RAPGEF2: variants seen among roughly 807,000 people sequenced by gnomAD.
RAPGEF2 encodes the protein PDZ domain containing guanine nucleotide exchange factor (GEF) 1.
A neutral mutation model predicts 186.7 loss-of-function variants in RAPGEF2; 54 were observed. That is an observed-to-expected ratio of 0.29 (90% CI 0.23 to 0.36). RAPGEF2 has a LOEUF of 0.36. Ranked by LOEUF, RAPGEF2 falls within the 10% of genes least tolerant of loss-of-function variation. The probability of loss-of-function intolerance (pLI) is 1.00; values close to 1 mark genes in which losing one functional copy is unlikely to be tolerated. For missense variants in RAPGEF2, 1,532 were observed against 2,045.0 expected (o/e 0.75, Z 4.84); for synonymous variants, 712 against 705.9 (o/e 1.01, Z -0.14).
chr4:159,325,937 T>C (rs1325174014), intron 11 of RAPGEF2, among the ~76,000 whole-genome samples: 1 of 152,152 alleles, frequency 6.6e-6, no homozygotes, highest in African/African-American at 2.4e-5. Context: ...CTGATTAAGA[T>C]ATATAGACTC....
chr4:159,338,590 GAAACTT>G, intron 18 of RAPGEF2, 122 bp downstream of exon 18: 2 of 1,064,392 alleles, frequency 1.9e-6, no homozygotes, highest in Non-Finnish European at 2.6e-6. Context: ...GAGTAAGGAT[GAAACTT>G]AAACTTTAAG....
intron 1 of RAPGEF2, among the ~76,000 whole-genome samples, chr4:159,178,494 G>A (rs1461346774): frequency 6.6e-6 from 1 of 151,184 alleles, no homozygotes; most frequent in African/African-American, 2.4e-5. Flanking sequence ...AGAAATTAGA[G>A]AGCCCAGGAT....
intron 7 of RAPGEF2, among the ~76,000 whole-genome samples, chr4:159,274,797 T>G (rs756452837): frequency 2.0e-5 from 3 of 152,186 alleles, no homozygotes; most frequent in African/African-American, 7.2e-5. Flanking sequence ...TATTAGGGAA[T>G]GTAGATATAA....
chr4:159,348,760 A>G (rs1354853136), intron 25 of RAPGEF2, among the ~76,000 whole-genome samples: 3 of 152,200 alleles, frequency 2.0e-5, no homozygotes, highest in African/African-American at 7.2e-5. Flanking sequence ...TTCTGAAGCC[A>G]TAGCTCTCAA....
At chr4:159,254,820 C>T (rs934962372) in intron 7 of RAPGEF2, among the ~76,000 whole-genome samples, 4 of 152,006 alleles carry the variant, frequency 2.6e-5, no homozygotes, top group African/African-American at 7.2e-5. Context: ...AGGCTGGTCT[C>T]GAACTCTTAA....
chr4:159,133,819 G>A (rs564341413), intron 1 of RAPGEF2, among the ~76,000 whole-genome samples: 2 of 152,222 alleles, frequency 1.3e-5, no homozygotes, highest in South Asian at 4.1e-4. Flanking sequence ...TCCTGACCTT[G>A]TGATCCGCCC....
chr4:159,152,370 T>C (rs1293710491), intron 1 of RAPGEF2, among the ~76,000 whole-genome samples: 2 of 152,184 alleles, frequency 1.3e-5, no homozygotes, highest in African/African-American at 4.8e-5. Context: ...CTCTAGTCTG[T>C]AAATCATTCT....
At chr4:159,330,849 G>A (rs1179045050) in intron 13 of RAPGEF2, among the ~76,000 whole-genome samples, 4 of 152,102 alleles carry the variant, frequency 2.6e-5, no homozygotes, top group Non-Finnish European at 5.9e-5. Context: ...GTGTACACCA[G>A]ATAAAAGTTA....
chr4:159,108,805 A>G (rs941965858), intron 1 of RAPGEF2, among the ~76,000 whole-genome samples: 1 of 152,238 alleles, frequency 6.6e-6, no homozygotes, highest in African/African-American at 2.4e-5. Flanking sequence ...TGCAGCCTCT[A>G]TCTCCCAGAC....
At chr4:159,222,835 C>T (rs949384485) in intron 4 of RAPGEF2, among the ~76,000 whole-genome samples, 1 of 152,008 alleles carries the variant, frequency 6.6e-6, no homozygotes, top group African/African-American at 2.4e-5. Flanking sequence ...GGAAATTATA[C>T]TCTGGGAAAT....
intron 1 of RAPGEF2, among the ~76,000 whole-genome samples, chr4:159,174,986 T>G (rs531135601): frequency 6.6e-6 from 1 of 152,170 alleles, no homozygotes; most frequent in Admixed American, 6.5e-5. Context: ...GGTTTCAAAC[T>G]TGGACTCAAG....
intron 1 of RAPGEF2, among the ~76,000 whole-genome samples, chr4:159,117,673 A>T (rs1412381108): frequency 4.0e-5 from 6 of 151,824 alleles, no homozygotes; most frequent in Non-Finnish European, 7.4e-5. Context: ...TTTCCTTCAT[A>T]TAACCCAGTG....
chr4:159,297,030 G>C (rs1477987255), intron 7 of RAPGEF2, among the ~76,000 whole-genome samples: 1 of 152,034 alleles, frequency 6.6e-6, no homozygotes, highest in Non-Finnish European at 1.5e-5. Context: ...TTTCATACAC[G>C]CAAGAATTAA....
At position 159,353,401 on chromosome 4, in the gene RAPGEF2, G is replaced by A. The variant is rs1469966570; in HGVS notation, c.4092-86G>A. The A allele has an allele frequency of 1.8e-6, 2 of 1,105,228 alleles. No homozygotes were observed. The highest frequency in any genetic ancestry group is 2.4e-6 in the Non-Finnish European group (2 of 818,338). The allele number at this position is 1,105,228 out of a possible 1,614,324, so 68.5% of individuals were successfully genotyped here. On this transcript the variant is annotated intron_variant, in intron 27 of 29. Transcript: ENST00000691494. This position sits in a 1 kb window ranked among gnomAD's most constrained non-coding sequence, Gnocchi z 4.3. ...GGGATGAAAGCAAGCTACCTTTCTA[G>A]GAAAAAGGGTATTTTGGTTTTATCA...
At chr4:159,212,098 G>A (rs1363946374) in intron 4 of RAPGEF2, among the ~76,000 whole-genome samples, 1 of 152,110 alleles carries the variant, frequency 6.6e-6, no homozygotes, top group African/African-American at 2.4e-5. Flanking sequence ...TTATGAATGA[G>A]GAAACGATGG....
At chr4:159,342,403 G>T (rs1373965148) in intron 20 of RAPGEF2, among the ~76,000 whole-genome samples, 1 of 151,304 alleles carries the variant, frequency 6.6e-6, no homozygotes, top group Admixed American at 6.6e-5. Flanking sequence ...TTTTTTAAGA[G>T]CTTAGATTGA....
At chr4:159,187,675 T>C (rs1337448608) in intron 2 of RAPGEF2, among the ~76,000 whole-genome samples, 1 of 152,184 alleles carries the variant, frequency 6.6e-6, no homozygotes, top group Non-Finnish European at 1.5e-5. Context: ...ATATTTATGT[T>C]TATCTGGGCT....
chr4:159,344,806 A>G (rs1730054752), intron 23 of RAPGEF2, among the ~76,000 whole-genome samples: 1 of 152,218 alleles, frequency 6.6e-6, no homozygotes, highest in Admixed American at 6.5e-5. Context: ...TTTACATGTA[A>G]TTATTGTTTT....
chr4:159,242,244 A>G (rs1025636930), intron 6 of RAPGEF2, among the ~76,000 whole-genome samples: 11 of 151,796 alleles, frequency 7.2e-5, no homozygotes, highest in African/African-American at 2.7e-4. Flanking sequence ...ATATAATACC[A>G]TTAAATGAGT....
Sources: allele counts gnomAD v4.1 joint callset (sites outside exome capture counted in the v4.1 genomes callset), GRCh38; gene constraint gnomAD v4.1.1; non-coding constraint Gnocchi (gnomAD v3.1); transcripts MANE v1.5; gene names NCBI Gene and HGNC (gene_info 2026-07-23, HGNC 2026-07-21).